The following ERBB4 variants were observed in gnomAD, a reference collection of about 807,000 sequenced individuals.
ERBB4 encodes the protein erb-b2 receptor tyrosine kinase 4.
Under a neutral mutation model 158.0 loss-of-function variants are expected in ERBB4, and 42 were observed. The ratio of observed to expected loss-of-function variants is 0.27; its 90% CI spans 0.21 to 0.34. The LOEUF is 0.34. Ranked by LOEUF, ERBB4 falls within the 10% of genes least tolerant of loss-of-function variation. The pLI is 1.00. For missense variants in ERBB4, 1,333 were observed against 1,624.1 expected (o/e 0.82, Z 3.08); for synonymous variants, 583 against 558.7 (o/e 1.04, Z -0.61).
intron 2 of ERBB4, among the ~76,000 whole-genome samples, chr2:212,033,047 T>C (rs950038281): frequency 3.3e-5 from 5 of 151,970 alleles, no homozygotes; most frequent in South Asian, 2.1e-4. Flanking sequence ...TTGAGTAACA[T>C]TGAGTCTATT....
intron 7 of ERBB4, among the ~76,000 whole-genome samples, chr2:211,716,310 C>T (rs541386623): frequency 9.8e-5 from 13 of 133,236 alleles, no homozygotes; most frequent in African/African-American, 3.3e-4. Context: ...TGTAGTGAGC[C>T]GAGATTGTGC....
chr2:212,165,814 T>C (rs1347244666), intron 1 of ERBB4, among the ~76,000 whole-genome samples: 1 of 152,100 alleles, frequency 6.6e-6, no homozygotes, highest in African/African-American at 2.4e-5. Context: ...ACTTCTGTAG[T>C]TGGATTCTCT....
intron 1 of ERBB4, among the ~76,000 whole-genome samples, chr2:212,175,063 T>G (rs964040382): frequency 6.6e-6 from 1 of 152,064 alleles, no homozygotes; most frequent in Non-Finnish European, 1.5e-5. Context: ...TTTCTTTGTC[T>G]GAACGTTTCT....
At chr2:211,715,259 T>A (rs1054277491) in intron 7 of ERBB4, among the ~76,000 whole-genome samples, 3 of 152,106 alleles carry the variant, frequency 2.0e-5, no homozygotes, top group African/African-American at 7.2e-5. Flanking sequence ...GGGTACAAAG[T>A]ATGGAAAAAT....
rs1417638997 is a variant in ERBB4 at position 211,413,179 on chromosome 2, T to C, written c.3135+7262A>G. 2.0e-5 allele frequency among the ~76,000 whole-genome samples: 3 copies of C among 151,232 alleles called. No individual in the cohort carries two copies. The East Asian group carries it at 5.8e-4, about 29-fold the overall frequency. ...TTACCCGGGCATGGCAGTACACAAC[T>C]ATAGTCTTAGCTATTCAGGAGGCTG... is the stretch of plus-strand genomic sequence containing the variant. On this transcript the variant is annotated intron_variant, in intron 25 of 27. Transcript: ENST00000342788.
chr2:212,105,699 C>T (rs543803950), intron 2 of ERBB4, among the ~76,000 whole-genome samples: 6 of 152,262 alleles, frequency 3.9e-5, no homozygotes, highest in South Asian at 4.1e-4. Flanking sequence ...ACAACACTGT[C>T]CTGACCTAAT....
chr2:212,201,496 G>A (rs2082585792), intron 1 of ERBB4, among the ~76,000 whole-genome samples: 2 of 151,912 alleles, frequency 1.3e-5, no homozygotes, highest in Non-Finnish European at 2.9e-5. Flanking sequence ...TGCTTTAATC[G>A]ATAAATATTT....
At chr2:211,812,335 G>C (rs892228364) in intron 3 of ERBB4, among the ~76,000 whole-genome samples, 1 of 152,174 alleles carries the variant, frequency 6.6e-6, no homozygotes, top group Non-Finnish European at 1.5e-5. Flanking sequence ...TGTTTGGCTG[G>C]GTATCACCAG....
At chr2:212,442,854 C>A (rs911446995) in intron 1 of ERBB4, among the ~76,000 whole-genome samples, 2 of 152,160 alleles carry the variant, frequency 1.3e-5, no homozygotes, top group African/African-American at 4.8e-5. Context: ...CAGAGATTAG[C>A]GCCACCATCA....
At chr2:211,506,945 G>A (rs779225324) in intron 20 of ERBB4, among the ~76,000 whole-genome samples, 5 of 151,954 alleles carry the variant, frequency 3.3e-5, no homozygotes, top group Non-Finnish European at 5.9e-5. Flanking sequence ...TTTTTTGAAA[G>A]GCTAAATGAA....
intron 1 of ERBB4, among the ~76,000 whole-genome samples, chr2:212,178,199 G>C (rs1278567397): frequency 6.6e-6 from 1 of 151,686 alleles, no homozygotes; most frequent in Non-Finnish European, 1.5e-5. Flanking sequence ...GTCACTGAAG[G>C]CTGTTAAGTA....
At chr2:211,432,858 A>G (rs1331156047) in intron 20 of ERBB4, among the ~76,000 whole-genome samples, 1 of 152,230 alleles carries the variant, frequency 6.6e-6, no homozygotes, top group Non-Finnish European at 1.5e-5. Context: ...ACAGAAGCTA[A>G]TTAATAAAGT....
intron 1 of ERBB4, among the ~76,000 whole-genome samples, chr2:212,346,446 T>C (rs1279041959): frequency 2.0e-5 from 3 of 150,366 alleles, no homozygotes; most frequent in Non-Finnish European, 4.4e-5. Flanking sequence ...ATTTTCAAAA[T>C]CAATTCACAC....
chr2:211,743,168 A>C (rs2074850295), intron 5 of ERBB4, among the ~76,000 whole-genome samples: 1 of 152,196 alleles, frequency 6.6e-6, no homozygotes, highest in African/African-American at 2.4e-5. Context: ...CACATTTTTC[A>C]ATCAGCTTAT....
chr2:211,525,326 C>G (rs2066317281), intron 20 of ERBB4, among the ~76,000 whole-genome samples: 1 of 152,146 alleles, frequency 6.6e-6, no homozygotes, highest in Non-Finnish European at 1.5e-5. Flanking sequence ...AAGAGGATTT[C>G]TGTCTTTCAT....
chr2:212,310,386 G>A (rs753140231), intron 1 of ERBB4, among the ~76,000 whole-genome samples: 59 of 150,802 alleles, frequency 3.9e-4, no homozygotes, highest in African/African-American at 1.3e-3. Flanking sequence ...GGAACAAGGC[G>A]AAAACATTAA....
chr2:212,239,362 AC>A (rs1410707803), intron 1 of ERBB4, among the ~76,000 whole-genome samples: 4 of 152,242 alleles, frequency 2.6e-5, no homozygotes, highest in African/African-American at 7.2e-5. Context: ...TTCTACACAT[AC>A]AAAAAGGAGT....
At chr2:211,972,936 C>G (rs1424819210) in intron 2 of ERBB4, among the ~76,000 whole-genome samples, 3 of 152,046 alleles carry the variant, frequency 2.0e-5, no homozygotes, top group Non-Finnish European at 2.9e-5. Context: ...AGTTTCTGCA[C>G]AGCAAAAGAA....
At chr2:212,101,382 A>T (rs1316394018) in intron 2 of ERBB4, among the ~76,000 whole-genome samples, 2 of 70,508 alleles carry the variant, frequency 2.8e-5, no homozygotes, top group African/African-American at 1.2e-4. Flanking sequence ...TGTATTTCAA[A>T]CTACTTTTAA....
Sources: gnomAD v4.1 joint callset for allele counts (sites outside exome capture counted in the v4.1 genomes callset) on GRCh38, gnomAD v4.1.1 for gene constraint, MANE v1.5 for transcripts, NCBI Gene and HGNC (gene_info 2026-07-23, HGNC 2026-07-21) for gene names.